ZNF469: variants seen among roughly 807,000 people sequenced by gnomAD.
ZNF469 encodes the protein zinc finger protein 469.
In ZNF469, 1 loss-of-function variant was observed where a neutral mutation model predicts 1.0. The ratio of observed to expected loss-of-function variants is 1.00; its 90% CI spans 0.35 to 4.73. The LOEUF is 4.73. Ranked by LOEUF, ZNF469 falls within the 30% of genes most tolerant of loss-of-function variation. The pLI, the probability that ZNF469 is intolerant of heterozygous loss-of-function variation, is 0.16. For missense variants in ZNF469, 6,100 were observed against 5,356.3 expected (o/e 1.14, Z -4.33); for synonymous variants, 2,703 against 2,363.4 (o/e 1.14, Z -4.17).
At chr16:88,406,269 C>CGTGTGTGTTCATCCGTGTACACAT (rs1272158601) in intron 1 of ZNF469, among the ~76,000 whole-genome samples, 2 of 152,188 alleles carry the variant, frequency 1.3e-5, no homozygotes, top group African/African-American at 4.8e-5. Context: ...TATGTGTGCA[C>CGTGTGTGTTCATCCGTGTACACAT]GTGTGTGTTC....
the ZNF469 span, among the ~76,000 whole-genome samples, chr16:88,309,833 G>A: frequency 6.6e-6 from 1 of 152,196 alleles, no homozygotes; most frequent in African/African-American, 2.4e-5. Context: ...CCTGTCCCTG[G>A]GATCAAAATA....
the ZNF469 span, among the ~76,000 whole-genome samples, chr16:88,311,872 G>A: frequency 6.6e-6 from 1 of 152,204 alleles, no homozygotes; most frequent in South Asian, 2.1e-4. Flanking sequence ...TCAAATGATT[G>A]ATTGTGGAAC....
chr16:88,319,376 C>T, the ZNF469 span, among the ~76,000 whole-genome samples: 1 of 152,120 alleles, frequency 6.6e-6, no homozygotes, highest in Admixed American at 6.5e-5. Context: ...CTTTCTTGGG[C>T]GGAGCCACAC....
chr16:88,187,408 A>G, the ZNF469 span, among the ~76,000 whole-genome samples: 1 of 152,252 alleles, frequency 6.6e-6, no homozygotes, highest in Non-Finnish European at 1.5e-5. Flanking sequence ...GAAATTGCAT[A>G]CAGGAAGGAA....
the ZNF469 span, among the ~76,000 whole-genome samples, chr16:88,329,958 A>T: frequency 1.3e-5 from 2 of 152,306 alleles, no homozygotes; most frequent in Admixed American, 1.3e-4. Flanking sequence ...ACGTAGTCTG[A>T]TGCACTCTGG....
the ZNF469 span, among the ~76,000 whole-genome samples, chr16:88,233,141 G>A: frequency 6.6e-5 from 10 of 152,360 alleles, no homozygotes; most frequent in African/African-American, 1.9e-4. Flanking sequence ...AACTGAGGCC[G>A]TGTGAAGGCT....
the ZNF469 span, among the ~76,000 whole-genome samples, chr16:88,264,776 T>C: frequency 1.3e-5 from 2 of 151,256 alleles, no homozygotes; most frequent in African/African-American, 4.8e-5. Context: ...TGCTGGGCTT[T>C]GGCGCAACCC....
upstream of ZNF469, among the ~76,000 whole-genome samples, chr16:88,379,998 G>A (rs1436114678): frequency 6.6e-6 from 1 of 152,104 alleles, no homozygotes; most frequent in Non-Finnish European, 1.5e-5. Flanking sequence ...GCGGCATTCA[G>A]GTGCCCCAGG....
the ZNF469 span, among the ~76,000 whole-genome samples, chr16:88,371,399 C>T: frequency 1.3e-5 from 2 of 152,214 alleles, no homozygotes; most frequent in African/African-American, 4.8e-5. Flanking sequence ...TGACAATTGA[C>T]AAAGGGTGTG....
the ZNF469 span, among the ~76,000 whole-genome samples, chr16:88,192,997 GT>G: frequency 7.4e-6 from 1 of 135,330 alleles, no homozygotes; most frequent in African/African-American, 2.9e-5. Flanking sequence ...GATGGTGGTG[GT>G]GGTGATGGTG....
chr16:88,167,979 C>T, the ZNF469 span, among the ~76,000 whole-genome samples: 1 of 152,374 alleles, frequency 6.6e-6, no homozygotes, highest in South Asian at 2.1e-4. Flanking sequence ...TCTGGCACGA[C>T]CTGTCATGCA....
chr16:88,167,945 C>T, the ZNF469 span, among the ~76,000 whole-genome samples: 6 of 152,250 alleles, frequency 3.9e-5, no homozygotes, highest in African/African-American at 1.4e-4. Context: ...GTCTTGAACA[C>T]TGCCCCCCTC....
chr16:88,248,563 C>T, the ZNF469 span, among the ~76,000 whole-genome samples: 20 of 152,136 alleles, frequency 1.3e-4, no homozygotes, highest in Admixed American at 1.3e-3. Context: ...CTAATTTTAA[C>T]TTGTGTAGAA....
At position 88,437,547 on chromosome 16, in the gene ZNF469, C is replaced by A. The variant is rs1342843046; in HGVS notation, c.10077C>A (p.His3359Gln). 3.9e-6 allele frequency: 6 copies of A among 1,540,676 alleles called. No homozygotes were observed. Residue 3359 changes from histidine (H) to glutamine (Q), a missense_variant, in exon 3 of 3, where the codon CAC becomes CAA. His to Gln is a conservative substitution (Grantham distance 24). Transcript: ENST00000565624. Reference sequence around the variant, plus strand: ...AGCTGCAGCGCCACCTGGCGGTGCACAGCCCGCAGCGCGTCTACCTGTGCC... The same window carrying A: ...AGCTGCAGCGCCACCTGGCGGTGCAAAGCCCGCAGCGCGTCTACCTGTGCC... ...PFKLQRHLAV[H>Q]SPQRVYLCPR...
At chr16:88,158,416 T>C in the ZNF469 span, among the ~76,000 whole-genome samples, 27 of 152,106 alleles carry the variant, frequency 1.8e-4, no homozygotes, top group African/African-American at 5.8e-4. Flanking sequence ...CATCCTGCCA[T>C]CTGGGGGTGC....
At chr16:88,169,511 C>T in the ZNF469 span, among the ~76,000 whole-genome samples, 2 of 152,176 alleles carry the variant, frequency 1.3e-5, no homozygotes, top group Admixed American at 6.5e-5. This position sits in a 1 kb window ranked among gnomAD's most constrained non-coding sequence, Gnocchi z 6.1. Context: ...TACCAGAGTG[C>T]GTTTGGCGAT....
the ZNF469 span, among the ~76,000 whole-genome samples, chr16:88,297,622 C>T: frequency 5.9e-5 from 9 of 152,144 alleles, no homozygotes. Context: ...GCAGCTCACT[C>T]CAGTCTCCAG....
chr16:88,325,094 C>G, the ZNF469 span, among the ~76,000 whole-genome samples: 1 of 152,046 alleles, frequency 6.6e-6, no homozygotes, highest in Non-Finnish European at 1.5e-5. Context: ...TCACATCCAG[C>G]TGCGGCATAC....
the ZNF469 span, among the ~76,000 whole-genome samples, chr16:88,146,396 G>A: frequency 2.6e-5 from 4 of 152,172 alleles, no homozygotes; most frequent in African/African-American, 9.7e-5. Context: ...GTCAGGAGGA[G>A]CCATGCCACC....
Sources: gnomAD v4.1 joint callset for allele counts (sites outside exome capture counted in the v4.1 genomes callset) on GRCh38, gnomAD v4.1.1 for gene constraint, Gnocchi (gnomAD v3.1) non-coding constraint, MANE v1.5 for transcripts, NCBI Gene and HGNC (gene_info 2026-07-23, HGNC 2026-07-21) for gene names.